The following C9 variants were observed in gnomAD, a reference collection of about 807,000 sequenced individuals.
C9 encodes complement component C9.
Under a neutral mutation model 65.4 loss-of-function variants are expected in C9, and 63 were observed. The ratio of observed to expected loss-of-function variants is 0.96; its 90% CI spans 0.79 to 1.19. The LOEUF (loss-of-function observed/expected upper bound fraction) is 1.19. Among genes scored for constraint, C9 ranks in the 50% most tolerant of loss-of-function variants. The probability of loss-of-function intolerance (pLI) is 0.00; values close to 1 mark genes in which losing one functional copy is unlikely to be tolerated. For synonymous variants in C9, 229 were observed against 227.9 expected, an observed-to-expected ratio of 1.00 and a Z score of -0.04; for missense variants, 744 against 670.1, an observed-to-expected ratio of 1.11 and a Z score of -1.22.
chr5:39,349,809 T>C (rs1275288479), intron 1 of C9, among the ~76,000 whole-genome samples: 1 of 152,176 alleles, frequency 6.6e-6, no homozygotes, highest in Non-Finnish European at 1.5e-5. Flanking sequence ...TTCATTTCTT[T>C]TTTCTTCTCT....
At chr5:39,339,580 A>G (rs10038247) in intron 4 of C9, among the ~76,000 whole-genome samples, 4,503 of 151,158 alleles carry the variant, frequency 0.03, 211 homozygotes, top group African/African-American at 0.1. Flanking sequence ...CTACATGCCA[A>G]TAGCACTCCC....
chr5:39,290,457 AC>A (rs869156266), intron 9 of C9, among the ~76,000 whole-genome samples: 3 of 51,256 alleles, frequency 5.9e-5, no homozygotes, highest in Non-Finnish European at 1.1e-4. Context: ...CAGAGCTAAA[AC>A]AAACAAACAA....
intron 1 of C9, among the ~76,000 whole-genome samples, chr5:39,359,076 G>A (rs1397509493): frequency 3.4e-5 from 4 of 118,000 alleles, no homozygotes; most frequent in Admixed American, 9.9e-5. Flanking sequence ...ATATATGTGT[G>A]TGTATATATA....
At chr5:39,298,346 G>GA (rs1226789480) in intron 9 of C9, among the ~76,000 whole-genome samples, 1 of 151,486 alleles carries the variant, frequency 6.6e-6, no homozygotes, top group Admixed American at 6.6e-5. Flanking sequence ...AAAAAATAGA[G>GA]AAAATTTTTT....
intron 10 of C9, among the ~76,000 whole-genome samples, chr5:39,286,144 C>A (rs1224041494): frequency 6.6e-6 from 1 of 151,904 alleles, no homozygotes; most frequent in East Asian, 1.9e-4. Context: ...ACATATGGAA[C>A]CCGAACCAAG....
intron 4 of C9, among the ~76,000 whole-genome samples, chr5:39,332,535 A>G (rs79480040): frequency 0.03 from 4,568 of 152,344 alleles, 214 homozygotes; most frequent in African/African-American, 0.1. Flanking sequence ...GAAACAATAT[A>G]TGAACTAGAA....
At chr5:39,337,025 G>A (rs879352380) in intron 4 of C9, among the ~76,000 whole-genome samples, 3 of 151,976 alleles carry the variant, frequency 2.0e-5, no homozygotes, top group Non-Finnish European at 4.4e-5. Flanking sequence ...TGTGAGATGG[G>A]TGAGGAGTAT....
intron 10 of C9, 121 bp downstream of exon 10, chr5:39,288,599 TATC>T: frequency 1.5e-6 from 1 of 657,916 alleles, no homozygotes; most frequent in South Asian, 1.8e-5. Flanking sequence ...ACTCAATCTT[TATC>T]TTCTGTTTAT....
intron 1 of C9, among the ~76,000 whole-genome samples, chr5:39,343,649 C>A (rs545782133): frequency 6.6e-6 from 1 of 152,202 alleles, no homozygotes; most frequent in African/African-American, 2.4e-5. Context: ...ACTTAAATGT[C>A]CCTGCCTGAC....
At chr5:39,341,099 T>G in intron 4 of C9, 47 bp downstream of exon 4, 1 of 1,597,242 alleles carries the variant, frequency 6.3e-7, no homozygotes, top group Admixed American at 1.7e-5. Context: ...GAGATGGAGA[T>G]CATTTTCACT....
chr5:39,356,299 A>G (rs1754412328), intron 1 of C9, among the ~76,000 whole-genome samples: 1 of 152,228 alleles, frequency 6.6e-6, no homozygotes, highest in Admixed American at 6.5e-5. Context: ...CTCTTAGTTC[A>G]GTGCAATGTT....
At chr5:39,343,168 C>T (rs965102388) in intron 1 of C9, among the ~76,000 whole-genome samples, 1 of 152,168 alleles carries the variant, frequency 6.6e-6, no homozygotes, top group Non-Finnish European at 1.5e-5. Context: ...TGGGGCTCAT[C>T]AGACAGTGGG....
intron 4 of C9, among the ~76,000 whole-genome samples, chr5:39,333,876 G>A (rs1459299182): frequency 1.3e-5 from 2 of 152,172 alleles, no homozygotes; most frequent in Non-Finnish European, 2.9e-5. Context: ...GGCCTCCTGA[G>A]TTGCCGGGAT....
intron 9 of C9, among the ~76,000 whole-genome samples, chr5:39,290,702 C>A (rs920951234): frequency 6.6e-6 from 1 of 151,684 alleles, no homozygotes; most frequent in East Asian, 1.9e-4. Context: ...AAGAGGTGGG[C>A]CCAGTATTCT....
chr5:39,327,176 G>C (rs922018599), intron 5 of C9, among the ~76,000 whole-genome samples: 2 of 152,230 alleles, frequency 1.3e-5, no homozygotes, highest in East Asian at 3.9e-4. Context: ...AATCAGATCA[G>C]GGATCACTTT....
At chr5:39,356,192 C>T (rs974434857) in intron 1 of C9, among the ~76,000 whole-genome samples, 4 of 152,074 alleles carry the variant, frequency 2.6e-5, no homozygotes, top group African/African-American at 9.7e-5. Flanking sequence ...ATTACTAGTT[C>T]TTTTTTATAG....
chr5:39,333,701 C>T (rs1163064551), intron 4 of C9, among the ~76,000 whole-genome samples: 1 of 150,252 alleles, frequency 6.7e-6, no homozygotes, highest in Non-Finnish European at 1.5e-5. Context: ...TGGCTCACTG[C>T]AGCCTCCCTG....
intron 1 of C9, among the ~76,000 whole-genome samples, chr5:39,343,769 C>T (rs951012603): frequency 1.3e-5 from 2 of 152,294 alleles, no homozygotes; most frequent in Admixed American, 6.5e-5. Flanking sequence ...CTGGGAGGCA[C>T]CCCCCAGTAG....
chr5:39,341,058 CA>C, intron 4 of C9, 87 bp downstream of exon 4: 3 of 1,444,516 alleles, frequency 2.1e-6, no homozygotes, highest in Non-Finnish European at 1.9e-6. Context: ...GTCCCTCGCA[CA>C]AATGCTTCTA....
Sources: allele counts gnomAD v4.1 joint callset (sites outside exome capture counted in the v4.1 genomes callset), GRCh38; gene constraint gnomAD v4.1.1; transcripts MANE v1.5; gene names NCBI Gene and HGNC (gene_info 2026-07-23, HGNC 2026-07-21).